PCDH7: variants seen among roughly 807,000 people sequenced by gnomAD.
PCDH7 encodes the protein protocadherin-7.
In PCDH7, 17 loss-of-function variants were observed where a neutral mutation model predicts 58.9. That is an observed-to-expected ratio of 0.29 (90% confidence interval 0.20 to 0.43). The LOEUF (loss-of-function observed/expected upper bound fraction) is 0.43. Ranked by LOEUF, PCDH7 falls within the 20% of genes least tolerant of loss-of-function variation. The pLI is 1.00. For missense variants in PCDH7, 1,274 were observed against 1,441.0 expected, an observed-to-expected ratio of 0.88 and a Z score of 1.88; for synonymous variants, 664 against 616.4, an observed-to-expected ratio of 1.08 and a Z score of -1.14.
chr4:30,787,759 G>T (rs934239102), intron 1 of PCDH7, among the ~76,000 whole-genome samples: 1 of 152,010 alleles, frequency 6.6e-6, no homozygotes, highest in Non-Finnish European at 1.5e-5. Flanking sequence ...GGGTGTGAAG[G>T]TATGTGTATG....
At chr4:30,846,373 C>G (rs752087929) in intron 1 of PCDH7, among the ~76,000 whole-genome samples, 2 of 152,102 alleles carry the variant, frequency 1.3e-5, no homozygotes, top group Non-Finnish European at 2.9e-5. Flanking sequence ...CTTGCTCCCC[C>G]TCTCTTGTAC....
downstream of PCDH7, chr4:31,145,362 G>A (rs1460433220): frequency 6.6e-6 from 1 of 151,894 alleles, no homozygotes; most frequent in East Asian, 1.9e-4. Context: ...TATATAATGA[G>A]CTGGCATGAC....
At chr4:31,031,122 G>A (rs1019256492) in intron 3 of PCDH7, among the ~76,000 whole-genome samples, 1 of 152,156 alleles carries the variant, frequency 6.6e-6, no homozygotes. Context: ...GATCATATTT[G>A]ATGTAGGCCT....
intron 1 of PCDH7, chr4:30,869,078 A>G (rs1402056408): frequency 1.3e-5 from 2 of 152,072 alleles, no homozygotes; most frequent in Non-Finnish European, 2.9e-5. Flanking sequence ...TAGCACAGAA[A>G]TACCACAAGG....
intron 1 of PCDH7, among the ~76,000 whole-genome samples, chr4:30,846,858 T>C (rs2109343008): frequency 6.6e-6 from 1 of 152,246 alleles, no homozygotes; most frequent in African/African-American, 2.4e-5. Context: ...GGGCAGTGGC[T>C]CATGACTATA....
At chr4:30,940,764 T>C (rs1313906864) in intron 2 of PCDH7, among the ~76,000 whole-genome samples, 1 of 151,988 alleles carries the variant, frequency 6.6e-6, no homozygotes, top group Non-Finnish European at 1.5e-5. Context: ...TTGATGATAG[T>C]TAACCAATTC....
At chr4:31,011,497 C>T (rs1319097011) in intron 3 of PCDH7, among the ~76,000 whole-genome samples, 2 of 151,854 alleles carry the variant, frequency 1.3e-5, no homozygotes, top group African/African-American at 2.4e-5. Flanking sequence ...CATTTCTTTC[C>T]GACCTTCTCT....
chr4:30,750,698 A>G (rs1718396741), intron 1 of PCDH7, among the ~76,000 whole-genome samples: 2 of 152,154 alleles, frequency 1.3e-5, no homozygotes, highest in Non-Finnish European at 2.9e-5. Flanking sequence ...TCATTAACTT[A>G]CCAAGTTACT....
chr4:31,043,675 A>G (rs1293103866), intron 3 of PCDH7, among the ~76,000 whole-genome samples: 1 of 152,148 alleles, frequency 6.6e-6, no homozygotes, highest in Non-Finnish European at 1.5e-5. Flanking sequence ...AGTACCTTGT[A>G]GATGCTGGAC....
In PCDH7 at chr4:30,722,294, A is replaced by C; in HGVS notation, c.872A>C (p.Gln291Pro). The change falls in exon 1 of 2, where the codon CAG (glutamine) becomes CCG (proline). Residue 291 changes from glutamine (Q) to proline (P), a missense_variant. Coordinates refer to ENST00000361762, the Ensembl canonical transcript of PCDH7. The surrounding 1 kb of genome is among the most constrained non-coding windows in gnomAD (Gnocchi z 7.6). ...GGCGGCGACCCGCCTCGCTCCTCGC[A>C]GGCCATCCTACGGGTCCTCATCACC... 1 of 1,606,000 alleles carries C rather than the reference A, an allele frequency of 6.2e-7. No individual in the cohort carries two copies. Among genetic ancestry groups the C allele is most frequent in the Non-Finnish European group, 8.5e-7 (1 of 1,177,272 alleles).
intron 1 of PCDH7, among the ~76,000 whole-genome samples, chr4:30,774,648 A>G (rs1721834491): frequency 1.3e-5 from 2 of 152,310 alleles, no homozygotes; most frequent in South Asian, 4.1e-4. Context: ...CTTTTCATAG[A>G]GTAATTAGAT....
intron 2 of PCDH7, among the ~76,000 whole-genome samples, chr4:30,933,227 G>T (rs1286634988): frequency 6.6e-6 from 1 of 151,838 alleles, no homozygotes; most frequent in Admixed American, 6.6e-5. Flanking sequence ...GGGTTTCACC[G>T]TGTTAGCCAG....
At chr4:30,876,744 C>T (rs1225736735) in intron 1 of PCDH7, among the ~76,000 whole-genome samples, 1 of 151,958 alleles carries the variant, frequency 6.6e-6, no homozygotes, top group East Asian at 1.9e-4. Context: ...ATTATCATTA[C>T]TATTATTTTT....
intron 1 of PCDH7, among the ~76,000 whole-genome samples, chr4:30,727,491 T>G (rs1035984121): frequency 1.3e-5 from 2 of 151,968 alleles, no homozygotes; most frequent in Non-Finnish European, 2.9e-5. Flanking sequence ...ATTCACACTT[T>G]AGAAAAACTC....
At chr4:31,136,202 C>G (rs1719575694) in intron 3 of PCDH7, among the ~76,000 whole-genome samples, 1 of 152,164 alleles carries the variant, frequency 6.6e-6, no homozygotes. Flanking sequence ...TTAAATCTCT[C>G]CAGGGGCTAT....
intron 1 of PCDH7, among the ~76,000 whole-genome samples, chr4:30,897,586 T>C (rs1440192178): frequency 1.3e-5 from 2 of 152,218 alleles, no homozygotes; most frequent in African/African-American, 4.8e-5. Context: ...TTATATTTTA[T>C]TGATTACAAG....
chr4:30,783,854 G>T (rs1723088572), intron 1 of PCDH7, among the ~76,000 whole-genome samples: 1 of 152,070 alleles, frequency 6.6e-6, no homozygotes, highest in Non-Finnish European at 1.5e-5. Context: ...AGCCTCTGGG[G>T]TATGAAATGG....
At chr4:31,024,989 C>T (rs1045473609) in intron 3 of PCDH7, among the ~76,000 whole-genome samples, 1 of 152,162 alleles carries the variant, frequency 6.6e-6, no homozygotes, top group African/African-American at 2.4e-5. Context: ...GTGACCCACC[C>T]GCCTCGGCCT....
chr4:31,114,113 C>T (rs948853070), intron 3 of PCDH7, among the ~76,000 whole-genome samples: 8 of 152,080 alleles, frequency 5.3e-5, no homozygotes, highest in Admixed American at 3.3e-4. Flanking sequence ...GAATTACACG[C>T]GTGAGCCACT....
Sources: allele counts gnomAD v4.1 joint callset (sites outside exome capture counted in the v4.1 genomes callset), GRCh38; gene constraint gnomAD v4.1.1; non-coding constraint Gnocchi (gnomAD v3.1); transcripts MANE v1.5; gene names NCBI Gene and HGNC (gene_info 2026-07-23, HGNC 2026-07-21).